The following RB1 variants were observed in gnomAD, a reference collection of about 807,000 sequenced individuals.
RB1 encodes the protein RB transcriptional corepressor 1.
Under a neutral mutation model 135.4 loss-of-function variants are expected in RB1, and 18 were observed. That is an observed-to-expected ratio of 0.13 (90% CI 0.09 to 0.20). RB1 has a LOEUF of 0.20. Ranked by LOEUF, RB1 falls within the 10% of genes least tolerant of loss-of-function variation. The pLI is 1.00. For synonymous variants in RB1, 365 were observed against 373.2 expected, an observed-to-expected ratio of 0.98 and a Z score of 0.25; for missense variants, 868 against 1,110.0, an observed-to-expected ratio of 0.78 and a Z score of 3.10.
intron 17 of RB1, among the ~76,000 whole-genome samples, chr13:48,413,609 A>G (rs1235560125): frequency 6.6e-6 from 1 of 152,192 alleles, no homozygotes; most frequent in Non-Finnish European, 1.5e-5. Flanking sequence ...AATACTCAAT[A>G]TTTAATTGTT....
At position 48,465,866 on chromosome 13, in the gene RB1, G is replaced by A. The variant is rs1436762278; in HGVS notation, c.2489+498G>A. 2.7e-5 allele frequency among the ~76,000 whole-genome samples: 4 copies of A among 150,606 alleles called. No homozygotes were observed. The East Asian group carries it at 7.9e-4, about 30-fold the overall frequency. On this transcript the variant is annotated intron_variant, in intron 23 of 26. Transcript: ENST00000267163. ...TTTTCAGACCGGCTTAAGAAACGGC[G>A]CACCACGAGACTATATCCCACACCT...
chr13:48,463,235 A>G (rs936843254), intron 20 of RB1, among the ~76,000 whole-genome samples: 16 of 152,234 alleles, frequency 1.1e-4, no homozygotes, highest in Admixed American at 7.9e-4. Flanking sequence ...AAAATTCATC[A>G]ACTGAGCTTA....
At chr13:48,318,854 C>A in intron 2 of RB1, 1 of 1,028,038 alleles carries the variant, frequency 9.7e-7, no homozygotes, top group South Asian at 1.3e-5. Flanking sequence ...CCGACTATGC[C>A]TTGAGGGTCA....
chr13:48,334,181 A>G (rs1593429558), intron 2 of RB1, among the ~76,000 whole-genome samples: 2 of 152,292 alleles, frequency 1.3e-5, no homozygotes, highest in South Asian at 2.1e-4. Flanking sequence ...ACTGATTCAC[A>G]TGGTGTTCAC....
At chr13:48,341,155 A>G (rs970855873) in intron 2 of RB1, 1 of 152,048 alleles carries the variant, frequency 6.6e-6, no homozygotes, top group Non-Finnish European at 1.5e-5. Context: ...CCTTTTCTAG[A>G]ATTTCATATG....
chr13:48,472,483 C>T (rs1026221681), intron 23 of RB1, among the ~76,000 whole-genome samples: 1 of 152,012 alleles, frequency 6.6e-6, no homozygotes, highest in African/African-American at 2.4e-5. Context: ...TACATTGTTC[C>T]ATGCCACTAT....
Position 48,342,586 on chromosome 13 carries a change from T to A in RB1, c.265-13T>A, listed in dbSNP as rs1331450918. 1 of 1,462,930 alleles carries A rather than the reference T, an allele frequency of 6.8e-7. No homozygotes were observed. Among genetic ancestry groups the A allele is most frequent in the Non-Finnish European group, 9.6e-7 (1 of 1,043,466 alleles). 90.6% of individuals were successfully genotyped at this position (1,462,930 alleles called of 1,614,324 possible). A position where few individuals can be genotyped will look rare whatever the true frequency, so the allele number is the denominator to read the frequency against. On this transcript the variant is annotated splice_polypyrimidine_tract_variant and intron_variant, in intron 2 of 26. Transcript: ENST00000267163. ...ATTTAATGAAATATTTGATCTTTAT[T>A]TTTTGTTCCCAGGGAGGTTATATTC...
At chr13:48,439,652 A>G (rs983808622) in intron 17 of RB1, 1 of 152,146 alleles carries the variant, frequency 6.6e-6, no homozygotes, top group African/African-American at 2.4e-5. Context: ...AGAGAAACAA[A>G]AGTCTTCTGT....
chr13:48,460,200 C>G (rs938031508), intron 20 of RB1, among the ~76,000 whole-genome samples: 1 of 151,770 alleles, frequency 6.6e-6, no homozygotes, highest in African/African-American at 2.4e-5. Flanking sequence ...AACTCCTGAC[C>G]TCAGGTGATC....
chr13:48,309,959 G>A (rs1338845493), intron 2 of RB1, among the ~76,000 whole-genome samples: 1 of 152,078 alleles, frequency 6.6e-6, no homozygotes, highest in African/African-American at 2.4e-5. Context: ...TTTCCTAATG[G>A]AGCTCATAAT....
At position 48,315,430 on chromosome 13, in the gene RB1, CTA is replaced by C. The variant is rs142227630; in HGVS notation, c.264+8026_264+8027del. On this transcript the variant is annotated intron_variant, in intron 2 of 26. Transcript: ENST00000267163. ...AGCTGAAGGAACTTTTGATCAGAGA[CTA>C]TGGGATTTTCTAGGTGTAAAATCAT... is the stretch of plus-strand genomic sequence containing the variant. 7.1e-3 allele frequency among the ~76,000 whole-genome samples: 1,084 copies of C among 152,308 alleles called. 12 individuals are homozygous for C. The highest frequency in any genetic ancestry group is 0.023 in the African/African-American group (976 of 41,558).
At chr13:48,318,948 A>G (rs1952210547) in intron 2 of RB1, 1 of 951,208 alleles carries the variant, frequency 1.1e-6, no homozygotes, top group Non-Finnish European at 1.7e-6. Context: ...ACGTTCAGGG[A>G]GTAGAAGCGT....
At position 48,319,823 on chromosome 13, in the gene RB1, C is replaced by A; in HGVS notation, c.264+12417C>A. On this transcript the variant is annotated intron_variant, in intron 2 of 26. Coordinates refer to ENST00000267163, the MANE Select transcript of RB1 (RefSeq NM_000321.3). The surrounding 1 kb of genome is among the most constrained non-coding windows in gnomAD (Gnocchi z 5.0). ...TCTATTTCCGCCTTAATGCTCTGCTCGAAGGAGTCGTTGCTGCTCGCTCTG... is the reference window on the plus strand; with the variant it reads ...TCTATTTCCGCCTTAATGCTCTGCTAGAAGGAGTCGTTGCTGCTCGCTCTG... The A allele has an allele frequency of 3.1e-6, 1 of 318,412 alleles. No homozygotes were observed. Among genetic ancestry groups the A allele is most frequent in the South Asian group, 3.9e-5 (1 of 25,924 alleles). 19.7% of individuals were successfully genotyped at this position (318,412 alleles called of 1,614,324 possible).
intron 26 of RB1, among the ~76,000 whole-genome samples, chr13:48,478,700 C>G (rs930786374): frequency 6.6e-6 from 1 of 152,178 alleles, no homozygotes; most frequent in African/African-American, 2.4e-5. Context: ...ATTTTAACCC[C>G]TGAGGCTAAG....
At position 48,381,402 on chromosome 13, in the gene RB1, C is replaced by T. The variant is rs121913303; in HGVS notation, c.1654C>T (p.Arg552Ter). 6.2e-7 allele frequency: 1 copy of T among 1,613,460 alleles called. No homozygotes were observed. Among genetic ancestry groups the T allele is most frequent in the Non-Finnish European group, 8.5e-7 (1 of 1,179,746 alleles). Residue 552 changes from arginine (R) to a stop codon, truncating the protein, a stop_gained, in exon 17 of 27, where the codon CGA (arginine) becomes TGA (stop). Coordinates refer to ENST00000267163, the MANE Select transcript of RB1 (RefSeq NM_000321.3). LOFTEE classifies it high-confidence loss of function. ...AAGAGAAATGATAAAACATTTAGAA[C>T]GATGTGAACATCGAATCATGGAATC... ...LTREMIKHLE[R>*]CEHRIMESLA...
chr13:48,369,376 A>G (rs950358377), intron 11 of RB1, among the ~76,000 whole-genome samples: 3 of 152,148 alleles, frequency 2.0e-5, no homozygotes, highest in African/African-American at 4.8e-5. Flanking sequence ...GCAGTAGCCT[A>G]CTACCTGATC....
chr13:48,332,496 A>T (rs1240317935), intron 2 of RB1, among the ~76,000 whole-genome samples: 1 of 152,206 alleles, frequency 6.6e-6, no homozygotes, highest in Non-Finnish European at 1.5e-5. Context: ...TTGTGCACCC[A>T]GGAGGTTGAG....
At position 48,411,810 on chromosome 13, in the gene RB1, C is replaced by T. The variant is rs780139124; in HGVS notation, c.1695+30367C>T. 4 of 1,612,746 alleles carry T rather than the reference C, an allele frequency of 2.5e-6. No individual in the cohort carries two copies. The African/African-American group carries it at 4.0e-5, about 16-fold the overall frequency. ...TTTGGTTAAAGTTTTTAGCACCATA[C>T]TAGAACAAGTTACATTTAAAATTAG... On this transcript the variant is annotated intron_variant, in intron 17 of 26. Coordinates refer to ENST00000267163, the MANE Select transcript of RB1 (RefSeq NM_000321.3).
intron 6 of RB1, among the ~76,000 whole-genome samples, 154 bp from the exon 7 acceptor site, chr13:48,359,863 T>TC (rs1400857430): frequency 6.6e-6 from 1 of 151,442 alleles, no homozygotes; most frequent in African/African-American, 2.4e-5. Flanking sequence ...AAACAGATTT[T>TC]TTTTTTTTTT....
Sources: allele counts gnomAD v4.1 joint callset (sites outside exome capture counted in the v4.1 genomes callset), GRCh38; gene constraint gnomAD v4.1.1; non-coding constraint Gnocchi (gnomAD v3.1); transcripts MANE v1.5; gene names NCBI Gene and HGNC (gene_info 2026-07-23, HGNC 2026-07-21).